The following ASCC1 variants were observed in gnomAD, a reference collection of about 807,000 sequenced individuals.
The protein encoded by ASCC1 is ASC-1 complex subunit P50.
A neutral mutation model predicts 46.6 loss-of-function variants in ASCC1; 35 were observed. The ratio of observed to expected loss-of-function variants is 0.75; its 90% CI spans 0.57 to 0.99. The LOEUF (loss-of-function observed/expected upper bound fraction) is 0.99. Ranked by LOEUF, ASCC1 falls within the 50% of genes least tolerant of loss-of-function variation. The probability of loss-of-function intolerance (pLI) is 0.00; values close to 1 mark genes in which losing one functional copy is unlikely to be tolerated. For synonymous variants in ASCC1, 143 were observed against 146.6 expected, an observed-to-expected ratio of 0.98 and a Z score of 0.18; for missense variants, 376 against 428.7, an observed-to-expected ratio of 0.88 and a Z score of 1.09.
intron 3 of ASCC1, 127 bp downstream of exon 3, chr10:72,210,605 A>G (rs1857935265): frequency 9.4e-6 from 7 of 748,148 alleles, no homozygotes; most frequent in Non-Finnish European, 1.6e-5. Flanking sequence ...ACATTTCAGG[A>G]CATAACACTA....
intron 9 of ASCC1, among the ~76,000 whole-genome samples, chr10:72,106,062 C>CT (rs1842312722): frequency 6.6e-6 from 1 of 152,082 alleles, no homozygotes; most frequent in Non-Finnish European, 1.5e-5. Context: ...GAGGCTCGCT[C>CT]TTTTCTTCAA....
chr10:72,151,983 C>T lies in ASCC1; in HGVS notation c.746+886G>A, dbSNP rs533914750. 8.2e-5 allele frequency among the ~76,000 whole-genome samples: 10 copies of T among 122,172 alleles called. No individual in the cohort carries two copies. The South Asian group carries it at 2.5e-3, about 30-fold the overall frequency. 80.1% of individuals were successfully genotyped at this position (122,172 alleles called of 152,430 possible). ...GGATTACAGGCGTGAGCCACCGCAA[C>T]CGGCCAATATTTTTTTTTTTTTTTT... On this transcript the variant is annotated intron_variant, in intron 7 of 9. Coordinates refer to ENST00000672957, the MANE Select transcript of ASCC1 (RefSeq NM_001198800.3).
intron 3 of ASCC1, 89 bp from the exon 4 acceptor site, chr10:72,203,613 T>C (rs1045365852): frequency 1.0e-6 from 1 of 958,624 alleles, no homozygotes; most frequent in East Asian, 2.4e-5. Context: ...TGACAAGAGA[T>C]ACTCCCTTAC....
intron 9 of ASCC1, among the ~76,000 whole-genome samples, chr10:72,117,240 T>C (rs1285417185): frequency 1.3e-5 from 2 of 152,248 alleles, no homozygotes; most frequent in Non-Finnish European, 2.9e-5. Flanking sequence ...TTGCTTATTG[T>C]GACTGGTTTC....
chr10:72,206,782 C>T (rs763372946), intron 3 of ASCC1, among the ~76,000 whole-genome samples: 1 of 152,098 alleles, frequency 6.6e-6, no homozygotes, highest in Non-Finnish European at 1.5e-5. Context: ...AGGATTGAGG[C>T]CCTTTGTTTT....
At chr10:72,199,552 T>C (rs1479021082) in intron 4 of ASCC1, among the ~76,000 whole-genome samples, 1 of 152,080 alleles carries the variant, frequency 6.6e-6, no homozygotes, top group Non-Finnish European at 1.5e-5. Flanking sequence ...CTCCTCGGCC[T>C]CCCAAAGTGC....
At chr10:72,103,009 A>G (rs184265665) in intron 9 of ASCC1, 812 of 445,460 alleles carry the variant, frequency 1.8e-3, no homozygotes, top group Middle Eastern at 5.6e-3. Context: ...AGTGAACTAG[A>G]AATATGTAGG....
intron 5 of ASCC1, among the ~76,000 whole-genome samples, chr10:72,185,392 C>G (rs1375333752): frequency 6.6e-6 from 1 of 152,128 alleles, no homozygotes; most frequent in Admixed American, 6.6e-5. Flanking sequence ...ATAAAGAAAT[C>G]TCCAGCTATA....
At chr10:72,200,694 T>G (rs1046758146) in intron 4 of ASCC1, among the ~76,000 whole-genome samples, 3 of 152,036 alleles carry the variant, frequency 2.0e-5, no homozygotes, top group African/African-American at 4.8e-5. Context: ...TGAAGTAACT[T>G]TTAATGCAAT....
At chr10:72,102,461 C>T (rs888690284) in intron 9 of ASCC1, 28 of 1,411,932 alleles carry the variant, frequency 2.0e-5, no homozygotes, top group Admixed American at 1.8e-4. Context: ...GCTTTATGAG[C>T]GTCCCTCCTT....
intron 7 of ASCC1, among the ~76,000 whole-genome samples, chr10:72,145,665 G>A (rs922893467): frequency 1.4e-4 from 22 of 152,274 alleles, no homozygotes; most frequent in Admixed American, 7.2e-4. Context: ...CTCTGTTAGA[G>A]AGCATCGTTT....
chr10:72,126,753 A>C (rs1844907196), intron 9 of ASCC1, among the ~76,000 whole-genome samples: 1 of 151,596 alleles, frequency 6.6e-6, no homozygotes, highest in South Asian at 2.1e-4. Context: ...GAGATAAAGG[A>C]GGAGAAAGAT....
At chr10:72,168,311 C>T (rs1435583388) in intron 5 of ASCC1, among the ~76,000 whole-genome samples, 2 of 152,060 alleles carry the variant, frequency 1.3e-5, no homozygotes, top group Admixed American at 6.6e-5. Flanking sequence ...AAAAATGACT[C>T]GAACATGTAG....
chr10:72,158,127 C>T (rs574995556), intron 6 of ASCC1, among the ~76,000 whole-genome samples: 1 of 152,146 alleles, frequency 6.6e-6, no homozygotes, highest in Non-Finnish European at 1.5e-5. Flanking sequence ...TTTCAACCCA[C>T]CCCTGAGATT....
At chr10:72,216,700 C>T (rs2133617281), upstream of ASCC1, 1 of 386,468 alleles carries the variant, frequency 2.6e-6, no homozygotes. Context: ...TATATGAATG[C>T]GAGGTCATCC....
chr10:72,202,133 G>A (rs1264278664), intron 4 of ASCC1, among the ~76,000 whole-genome samples: 1 of 151,834 alleles, frequency 6.6e-6, no homozygotes, highest in Non-Finnish European at 1.5e-5. Context: ...AAGAAAATGG[G>A]TTAATGAATT....
intron 7 of ASCC1, among the ~76,000 whole-genome samples, chr10:72,140,000 A>T (rs1196797529): frequency 6.6e-6 from 1 of 152,232 alleles, no homozygotes; most frequent in Admixed American, 6.5e-5. Flanking sequence ...AGTGGAAGAG[A>T]TTATAGTGGG....
intron 8 of ASCC1, among the ~76,000 whole-genome samples, chr10:72,131,978 C>T (rs1418691386): frequency 6.8e-6 from 1 of 148,096 alleles, no homozygotes; most frequent in Non-Finnish European, 1.5e-5. Context: ...AAGCGATTGT[C>T]TTGCCTCAAC....
intron 9 of ASCC1, among the ~76,000 whole-genome samples, chr10:72,116,501 T>C (rs1488141042): frequency 6.6e-6 from 1 of 151,608 alleles, no homozygotes; most frequent in Non-Finnish European, 1.5e-5. Context: ...TGCCCCATTC[T>C]CTCCTTCTGA....
Sources: allele counts gnomAD v4.1 joint callset (sites outside exome capture counted in the v4.1 genomes callset), GRCh38; gene constraint gnomAD v4.1.1; transcripts MANE v1.5; gene names NCBI Gene and HGNC (gene_info 2026-07-23, HGNC 2026-07-21).